Variants in NUP58 observed in about 807,000 individuals in gnomAD.
The protein encoded by NUP58 is nucleoporin 58.
Under a neutral mutation model 70.1 loss-of-function variants are expected in NUP58, and 17 were observed. That is an observed-to-expected ratio of 0.24 (90% confidence interval 0.17 to 0.36). The LOEUF (loss-of-function observed/expected upper bound fraction) is 0.36. Ranked by LOEUF, NUP58 falls within the 10% of genes least tolerant of loss-of-function variation. The pLI, the probability that NUP58 is intolerant of heterozygous loss-of-function variation, is 1.00. For missense variants in NUP58, 644 were observed against 701.5 expected (o/e 0.92, Z 0.93); for synonymous variants, 275 against 257.6 (o/e 1.07, Z -0.65).
At chr13:25,333,219 T>C (rs376815780) in intron 13 of NUP58, 3 of 985,262 alleles carry the variant, frequency 3.0e-6, no homozygotes, top group African/African-American at 3.5e-5. Flanking sequence ...TGTGGACATA[T>C]GGAGATGTGT....
intron 10 of NUP58, among the ~76,000 whole-genome samples, chr13:25,326,168 C>A (rs1443066002): frequency 6.6e-6 from 1 of 152,178 alleles, no homozygotes; most frequent in Non-Finnish European, 1.5e-5. Context: ...ATTCGTCTTA[C>A]TCAGGTTGGC....
intron 10 of NUP58, among the ~76,000 whole-genome samples, chr13:25,325,709 CTGTT>C (rs1158679938): frequency 6.6e-6 from 1 of 152,056 alleles, no homozygotes; most frequent in East Asian, 1.9e-4. Context: ...TGGTGGAGGT[CTGTT>C]TGATTCCTGG....
chr13:25,326,916 C>T lies in NUP58; in HGVS notation c.1032C>T (p.Asp344=), dbSNP rs1335214988. 2 of 1,537,144 alleles carry T rather than the reference C, an allele frequency of 1.3e-6. No individual in the cohort carries two copies. The highest frequency in any genetic ancestry group is 2.0e-5 in the Admixed American group (1 of 50,974). ...GLQHEYAAPA[D]YFRILVQQFE... is the part of the protein sequence containing the mutation. ...CTGACTTTTTAAATGTTTTTTAAAG[C>T]TACTTCAGAATCTTGGTTCAGCAAT... Residue 344 remains aspartate, a splice_region_variant and synonymous_variant, in exon 11 of 16, where the codon GAC becomes GAT. Coordinates refer to ENST00000381736, the MANE Select transcript of NUP58 (RefSeq NM_014089.4).
rs2030742586 is a variant in NUP58, at chr13:25,312,911, A to G, written c.315A>G (p.Thr105=). Residue 105 remains threonine, a synonymous_variant, in exon 4 of 16, where the codon ACA becomes ACG. Transcript: ENST00000381736. Reference sequence around the variant, plus strand: ...CGCCAGCCACTACATCTGCAGCTACAACAGGCTTCAGTTTAGGATTCAATA... The same window carrying G: ...CGCCAGCCACTACATCTGCAGCTACGACAGGCTTCAGTTTAGGATTCAATA... The part of the protein sequence containing the change: ...LGTPATTSAA[T]TGFSLGFNKP... The G allele has an allele frequency of 6.2e-7, 1 of 1,613,424 alleles. No homozygotes were observed. Among genetic ancestry groups the G allele is most frequent in the South Asian group, 1.1e-5 (1 of 90,976 alleles).
Position 25,310,037 on chromosome 13 carries a change from C to CT in NUP58, c.286+761dup, listed in dbSNP as rs146950002. 924 of 398,404 alleles carry CT rather than the reference C, an allele frequency of 2.3e-3. 3 individuals carry two copies. Among genetic ancestry groups the CT allele is most frequent in the African/African-American group, 0.017 (776 of 46,614 alleles). The allele number at this position is 398,404 out of a possible 1,614,324, so 24.7% of individuals were successfully genotyped here. ...ACAAGCAAGTGAATCTTCTTGTTTTCTTTTTTGCTTTTTTTTCCCCTATCA... is the reference window on the plus strand; with the variant it reads ...ACAAGCAAGTGAATCTTCTTGTTTTCTTTTTTTGCTTTTTTTTCCCCTATCA... On this transcript the variant is annotated intron_variant, in intron 3 of 15. Transcript: ENST00000381736.
In NUP58 at chr13:25,324,969, T is replaced by TTAA; in HGVS notation, c.952-20_952-19insTAA. 2.8e-6 allele frequency: 4 copies of TTAA among 1,442,256 alleles called. No individual in the cohort carries two copies. Among genetic ancestry groups the TTAA allele is most frequent in the Non-Finnish European group, 3.8e-6 (4 of 1,058,178 alleles). The allele number at this position is 1,442,256 out of a possible 1,614,324, so 89.3% of individuals were successfully genotyped here. A position where few individuals can be genotyped will look rare whatever the true frequency, so the allele number is the denominator to read the frequency against. On this transcript the variant is annotated intron_variant, in intron 9 of 15. Coordinates refer to ENST00000381736, the MANE Select transcript of NUP58 (RefSeq NM_014089.4). Reference sequence around the variant, plus strand: ...CTTAACTGGCTTTTTTTTTTTTTTTTAAATCCTCTGGTATATTAGGAGTTG... The same window carrying TTAA: ...CTTAACTGGCTTTTTTTTTTTTTTTTTAAAAATCCTCTGGTATATTAGGAGTTG...
At chr13:25,323,155 A>C (rs1370715434) in intron 9 of NUP58, among the ~76,000 whole-genome samples, 1 of 152,138 alleles carries the variant, frequency 6.6e-6, no homozygotes, top group African/African-American at 2.4e-5. Context: ...GAAATAATAA[A>C]AGATTGAGAA....
In NUP58 at chr13:25,306,486, G is replaced by A. The variant is rs143224336; in HGVS notation, c.108-1320G>A. 7.3e-3 allele frequency among the ~76,000 whole-genome samples: 1,116 copies of A among 152,020 alleles called. 17 individuals are homozygous for A. The highest frequency in any genetic ancestry group is 0.025 in the African/African-American group (1,019 of 41,432). On this transcript the variant is annotated intron_variant, in intron 1 of 15. Coordinates refer to ENST00000381736, the MANE Select transcript of NUP58 (RefSeq NM_014089.4). ...TAGAGGCTCAGAAAGGTTAAGTAAT[G>A]GCACACAAGTACCAGAACATGGGGG...
At position 25,320,957 on chromosome 13, in the gene NUP58, T is replaced by C. The variant is rs760087514; in HGVS notation, c.815T>C (p.Ile272Thr). ...VKEQKQVQEE[I>T]SRMSSKAMLK... ...GAGCAGAAACAAGTTCAAGAAGAAATTAGTAGAATGTCTTCAAAAGCAATG... is the reference window on the plus strand; with the variant it reads ...GAGCAGAAACAAGTTCAAGAAGAAACTAGTAGAATGTCTTCAAAAGCAATG... Residue 272 changes from isoleucine (I) to threonine (T), a missense_variant, in exon 9 of 16, where the codon ATT (isoleucine) becomes ACT (threonine). Physicochemically the swap from Ile to Thr is moderately conservative, Grantham distance 89. This residue lies in a region of NUP58 where 430 missense variants were observed against 409.2 expected (regional missense o/e 1.05). Transcript: ENST00000381736. 6.4e-7 allele frequency: 1 copy of C among 1,574,708 alleles called. No individual in the cohort carries two copies. Among genetic ancestry groups the C allele is most frequent in the Non-Finnish European group, 8.6e-7 (1 of 1,167,492 alleles).
intron 6 of NUP58, among the ~76,000 whole-genome samples, chr13:25,315,844 T>C (rs2030906220): frequency 6.6e-6 from 1 of 152,192 alleles, no homozygotes; most frequent in South Asian, 2.1e-4. Flanking sequence ...CAACATAATA[T>C]AGTAGTTTAA....
rs2031078418 is a variant in NUP58 at position 25,319,315 on chromosome 13, G to C, written c.686-11G>C. The C allele has an allele frequency of 6.2e-7, 1 of 1,612,176 alleles. No homozygotes were observed. Among genetic ancestry groups the C allele is most frequent in the South Asian group, 1.1e-5 (1 of 91,016 alleles). ...CAATTTTTTTTACGTGAAGCTTCTT[G>C]AATTTTCTAGGTGATAAAACGGGAA... On this transcript the variant is annotated splice_polypyrimidine_tract_variant and intron_variant, in intron 6 of 15. Transcript: ENST00000381736.
rs1294213545 is a variant in NUP58 at position 25,341,712 on chromosome 13, T to C, written c.*1578T>C. 2 of 152,616 alleles carry C rather than the reference T, an allele frequency of 1.3e-5. No individual in the cohort carries two copies. Among genetic ancestry groups the C allele is most frequent in the Non-Finnish European group, 2.9e-5 (2 of 68,010 alleles). 9.5% of individuals were successfully genotyped at this position (152,616 alleles called of 1,614,324 possible). Reference sequence around the variant, plus strand: ...AAAACCCTTGGAAAGAGAACTGCCTTAGCCATGATTTCGTTAGTAGACCTA... The same window carrying C: ...AAAACCCTTGGAAAGAGAACTGCCTCAGCCATGATTTCGTTAGTAGACCTA... On this transcript the variant is annotated 3_prime_UTR_variant, in exon 16 of 16. Coordinates refer to ENST00000381736, the MANE Select transcript of NUP58 (RefSeq NM_014089.4).
chr13:25,331,206 A>G (rs1013231349), intron 12 of NUP58, 151 bp from the exon 13 acceptor site: 1 of 687,174 alleles, frequency 1.5e-6, no homozygotes, highest in African/African-American at 1.8e-5. Flanking sequence ...CATTTCCTAC[A>G]CCAAAGTGCA....
chr13:25,312,888 C>G lies in NUP58; in HGVS notation c.292C>G (p.Pro98Ala). ...TITTGLTLGT[P>A]ATTSAATTGF... Reference sequence around the variant, plus strand: ...TCATTTATTTATTTAAATAGGAACGCCAGCCACTACATCTGCAGCTACAAC... The same window carrying G: ...TCATTTATTTATTTAAATAGGAACGGCAGCCACTACATCTGCAGCTACAAC... Residue 98 changes from proline (P) to alanine (A), a missense_variant, in exon 4 of 16, where the codon CCA becomes GCA. Transcript: ENST00000381736. 6 of 1,606,820 alleles carry G rather than the reference C, an allele frequency of 3.7e-6. No individual in the cohort carries two copies. Among genetic ancestry groups the G allele is most frequent in the Non-Finnish European group, 5.1e-6 (6 of 1,176,404 alleles).
At chr13:25,335,051 C>T (rs1288751592) in intron 13 of NUP58, 3 of 985,018 alleles carry the variant, frequency 3.0e-6, no homozygotes, top group Non-Finnish European at 3.6e-6. Context: ...GTAATATATG[C>T]TAATACTTTG....
intron 9 of NUP58, among the ~76,000 whole-genome samples, chr13:25,324,192 A>C (rs1005792287): frequency 6.6e-6 from 1 of 152,130 alleles, no homozygotes; most frequent in Admixed American, 6.6e-5. Flanking sequence ...AGTGAAAAGG[A>C]TGTAGAAAAA....
In NUP58 at chr13:25,327,447, C is replaced by A; in HGVS notation, c.1168C>A (p.Gln390Lys). Reference sequence around the variant, plus strand: ...TTTTATAGATTTGTCAATGGCTATGCAGAAAATTTATCAAACATTTGTAGC... The same window carrying A: ...TTTTATAGATTTGTCAATGGCTATGAAGAAAATTTATCAAACATTTGTAGC... ...ITPQDLSMAM[Q>K]KIYQTFVALA... The change falls in exon 12 of 16, where the codon CAG (glutamine) becomes AAG (lysine). Residue 390 changes from glutamine to lysine, a missense_variant. By Grantham distance (53) the Gln-to-Lys change is moderately conservative. Coordinates refer to ENST00000381736, the MANE Select transcript of NUP58 (RefSeq NM_014089.4). 6.2e-7 allele frequency: 1 copy of A among 1,606,950 alleles called. No homozygotes were observed. Among genetic ancestry groups the A allele is most frequent in the Non-Finnish European group, 8.5e-7 (1 of 1,174,918 alleles).
chr13:25,305,410 T>G (rs1176384035), intron 1 of NUP58, among the ~76,000 whole-genome samples: 3 of 152,134 alleles, frequency 2.0e-5, no homozygotes, highest in African/African-American at 7.2e-5. Flanking sequence ...GCTCAAGCAG[T>G]CTGCCTACCT....
intron 14 of NUP58, among the ~76,000 whole-genome samples, chr13:25,337,358 CTTAATG>C (rs1042023884): frequency 6.6e-6 from 1 of 151,996 alleles, no homozygotes; most frequent in Admixed American, 6.6e-5. Flanking sequence ...AATTAATAGT[CTTAATG>C]TTAGTTTGGA....
Sources: allele counts gnomAD v4.1 joint callset (sites outside exome capture counted in the v4.1 genomes callset), GRCh38; gene constraint gnomAD v4.1.1; regional missense constraint gnomAD v4.1.1; transcripts MANE v1.5; gene names NCBI Gene and HGNC (gene_info 2026-07-23, HGNC 2026-07-21).